Variants in NPSR1 observed in about 807,000 individuals in gnomAD.
The protein encoded by NPSR1 is neuropeptide S receptor.
NPSR1 carries 48 observed loss-of-function variants against 46.9 expected under a neutral mutation model. The observed-to-expected ratio is 1.02, with a 90% confidence interval of 0.81 to 1.30. NPSR1 has a LOEUF of 1.30. Among genes scored for constraint, NPSR1 ranks in the 50% most tolerant of loss-of-function variants. NPSR1 has a pLI of 0.00. For missense variants in NPSR1, 450 were observed against 449.5 expected, an observed-to-expected ratio of 1.00 and a Z score of -0.01; for synonymous variants, 176 against 168.1, an observed-to-expected ratio of 1.05 and a Z score of -0.36.
chr7:34,848,975 T>C (rs1790842694), intron 8 of NPSR1, among the ~76,000 whole-genome samples: 1 of 152,244 alleles, frequency 6.6e-6, no homozygotes, highest in African/African-American at 2.4e-5. Flanking sequence ...TCTATGACAA[T>C]AATAGGACAT....
chr7:34,665,816 A>G (rs10248908), intron 1 of NPSR1, among the ~76,000 whole-genome samples: 101 of 152,088 alleles, frequency 6.6e-4, no homozygotes, highest in African/African-American at 2.3e-3. Context: ...ACGCATACAC[A>G]CACACCCATG....
chr7:34,731,206 T>A (rs1784401494), intron 2 of NPSR1, among the ~76,000 whole-genome samples: 1 of 152,082 alleles, frequency 6.6e-6, no homozygotes, highest in Non-Finnish European at 1.5e-5. Flanking sequence ...AGAGTTAATA[T>A]ACTCACTAAA....
At chr7:34,792,003 G>A (rs1212689650) in intron 3 of NPSR1, among the ~76,000 whole-genome samples, 1 of 152,018 alleles carries the variant, frequency 6.6e-6, no homozygotes, top group African/African-American at 2.4e-5. Context: ...TGGAAAACTG[G>A]ACATCTACAT....
rs1372246769 is a variant in NPSR1, at chr7:34,848,469, C to G, written c.845-14C>G. 2.5e-6 allele frequency: 4 copies of G among 1,613,204 alleles called. No homozygotes were observed. The highest frequency in any genetic ancestry group is 1.7e-6 in the Non-Finnish European group (2 of 1,179,402). On this transcript the variant is annotated splice_polypyrimidine_tract_variant and intron_variant, in intron 7 of 8. Transcript: ENST00000360581. Reference sequence around the variant, plus strand: ...GCTACCTGCTGTGATGCTAATGGCTCTCTTCTCCCCCAGCCTTCATCTGCT... The same window carrying G: ...GCTACCTGCTGTGATGCTAATGGCTGTCTTCTCCCCCAGCCTTCATCTGCT...
chr7:34,772,883 C>T (rs1786754816), intron 2 of NPSR1, among the ~76,000 whole-genome samples: 1 of 152,156 alleles, frequency 6.6e-6, no homozygotes, highest in Non-Finnish European at 1.5e-5. Flanking sequence ...CACTACCAAT[C>T]ACTCTTGCCA....
chr7:34,750,979 C>G, intron 2 of NPSR1: 2 of 767,402 alleles, frequency 2.6e-6, no homozygotes, highest in Non-Finnish European at 4.8e-6. Flanking sequence ...ATTGCATTGC[C>G]CTTGTGGAAG....
chr7:34,658,948 C>T (rs750591970), intron 1 of NPSR1, among the ~76,000 whole-genome samples: 3 of 152,080 alleles, frequency 2.0e-5, no homozygotes, highest in Non-Finnish European at 4.4e-5. Context: ...ACCAGAGATG[C>T]GGAAAGCTCA....
At chr7:34,795,431 A>T (rs1788130076) in intron 3 of NPSR1, among the ~76,000 whole-genome samples, 1 of 152,150 alleles carries the variant, frequency 6.6e-6, no homozygotes, top group East Asian at 1.9e-4. Context: ...AATGAGACAA[A>T]AAAGGAAATA....
chr7:34,750,426 G>T lies in NPSR1; in HGVS notation c.281-28036G>T, dbSNP rs112367649. Reference sequence around the variant, plus strand: ...GTGTTCGGATGCCGATGGGTAGTACGACGGGGCTCTGGTGTGACGAAGTCA... The same window carrying T: ...GTGTTCGGATGCCGATGGGTAGTACTACGGGGCTCTGGTGTGACGAAGTCA... On this transcript the variant is annotated intron_variant, in intron 2 of 8. Coordinates refer to ENST00000360581, the MANE Select transcript of NPSR1 (RefSeq NM_207172.2). The T allele has an allele frequency of 8.1e-6, 6 of 744,414 alleles. No individual in the cohort carries two copies. In the African/African-American group the frequency reaches 1.0e-4, roughly 13 times the overall value. 46.1% of individuals were successfully genotyped at this position (744,414 alleles called of 1,614,324 possible).
At chr7:34,772,063 T>C (rs1052096857) in intron 2 of NPSR1, among the ~76,000 whole-genome samples, 3 of 152,200 alleles carry the variant, frequency 2.0e-5, no homozygotes, top group Non-Finnish European at 2.9e-5. Flanking sequence ...CTTGTGAGTC[T>C]CTAATTATTT....
At chr7:34,835,139 C>T (rs879573178) in intron 6 of NPSR1, among the ~76,000 whole-genome samples, 14 of 152,312 alleles carry the variant, frequency 9.2e-5, no homozygotes, top group Non-Finnish European at 1.5e-4. Flanking sequence ...AACCAAGGGG[C>T]CAAAAGAAGA....
chr7:34,796,482 A>G lies in NPSR1; in HGVS notation c.385-15288A>G, dbSNP rs533745322. Among the ~76,000 whole-genome samples the G allele has an allele frequency of 2.6e-5, 4 of 152,350 alleles. No homozygotes were observed. The South Asian group carries it at 6.2e-4, about 24-fold the overall frequency. ...TGCAGAAGAGCTCTTAAAGCACAAT[A>G]GGTAAATGAACAATCTGATTTTAAA... is the stretch of plus-strand genomic sequence containing the variant. On this transcript the variant is annotated intron_variant, in intron 3 of 8. Coordinates refer to ENST00000360581, the MANE Select transcript of NPSR1 (RefSeq NM_207172.2).
chr7:34,786,159 C>CA (rs1184280390), intron 3 of NPSR1, among the ~76,000 whole-genome samples: 2 of 152,148 alleles, frequency 1.3e-5, no homozygotes, highest in African/African-American at 2.4e-5. Flanking sequence ...TCAATTCTCT[C>CA]AAATCTTGCC....
chr7:34,690,797 A>G (rs1793210603), intron 2 of NPSR1, among the ~76,000 whole-genome samples: 2 of 152,312 alleles, frequency 1.3e-5, no homozygotes, highest in Middle Eastern at 3.4e-3. Context: ...AGTATGGAAA[A>G]CCTATTTGAG....
intron 8 of NPSR1, among the ~76,000 whole-genome samples, chr7:34,872,326 T>C (rs1452617209): frequency 6.6e-6 from 1 of 151,930 alleles, no homozygotes; most frequent in African/African-American, 2.4e-5. Flanking sequence ...CTAAGCCACT[T>C]TTCTCCTAGG....
At chr7:34,819,277 AAAG>A (rs1584091160) in intron 4 of NPSR1, among the ~76,000 whole-genome samples, 1 of 152,262 alleles carries the variant, frequency 6.6e-6, no homozygotes, top group East Asian at 1.9e-4. Context: ...ACACTTCTGA[AAAG>A]AAGACATCTA....
At chr7:34,782,905 C>G (rs1003203817) in intron 3 of NPSR1, among the ~76,000 whole-genome samples, 1 of 151,616 alleles carries the variant, frequency 6.6e-6, no homozygotes, top group Admixed American at 6.6e-5. Context: ...AACAGTACAA[C>G]CAAAACAAAG....
chr7:34,868,943 G>T (rs534068995), intron 8 of NPSR1, among the ~76,000 whole-genome samples: 3 of 151,870 alleles, frequency 2.0e-5, no homozygotes, highest in African/African-American at 7.3e-5. Context: ...CCTGCTTGCA[G>T]AAGACAGGAC....
chr7:34,795,569 AAT>A (rs1474409224), intron 3 of NPSR1, among the ~76,000 whole-genome samples: 4 of 152,294 alleles, frequency 2.6e-5, no homozygotes, highest in East Asian at 1.9e-4. Flanking sequence ...AAGATTACAG[AAT>A]ATGTTAATAT....
Sources: allele counts gnomAD v4.1 joint callset (sites outside exome capture counted in the v4.1 genomes callset), GRCh38; gene constraint gnomAD v4.1.1; transcripts MANE v1.5; gene names NCBI Gene and HGNC (gene_info 2026-07-23, HGNC 2026-07-21).